Variants in SLC19A1 observed in about 807,000 individuals in gnomAD.
The protein encoded by SLC19A1 is reduced folate transporter.
SLC19A1 carries 37 observed loss-of-function variants against 35.3 expected under a neutral mutation model. The observed-to-expected ratio is 1.05, with a 90% CI of 0.81 to 1.38. The LOEUF is 1.38. Ranked by LOEUF, SLC19A1 falls within the 40% of genes most tolerant of loss-of-function variation. SLC19A1 has a pLI of 0.00. For synonymous variants in SLC19A1, 460 were observed against 398.5 expected, an observed-to-expected ratio of 1.15 and a Z score of -1.84; for missense variants, 831 against 826.9, an observed-to-expected ratio of 1.00 and a Z score of -0.06.
At chr21:45,532,788 T>C (rs1249468638) in intron 2 of SLC19A1, among the ~76,000 whole-genome samples, 1 of 152,182 alleles carries the variant, frequency 6.6e-6, no homozygotes, top group African/African-American at 2.4e-5. Context: ...TTTTAAACAA[T>C]ATGGAAAACA....
chr21:45,510,115 C>T (rs746594158), downstream of SLC19A1: 58 of 1,596,166 alleles, frequency 3.6e-5, no homozygotes, highest in Admixed American at 5.1e-5. Context: ...GCGGGGCATC[C>T]GCGGGGCCGA....
rs533701460 is a variant in SLC19A1 at position 45,537,416 on chromosome 21, C to T, written c.189+355G>A. Among the ~76,000 whole-genome samples, 39 of 151,588 alleles carry T rather than the reference C, an allele frequency of 2.6e-4. No individual in the cohort carries two copies. In the East Asian group the frequency reaches 6.6e-3, roughly 26 times the overall value. ...AAGCTGCTCCCCGCCCACCCATAGG[C>T]GGCCGCCCTGGCACCCAGCACCCAC... On this transcript the variant is annotated intron_variant, in intron 2 of 5. Coordinates refer to ENST00000311124, the MANE Select transcript of SLC19A1 (RefSeq NM_194255.4).
chr21:45,524,119 TCGGAGAC>T, intron 5 of SLC19A1, among the ~76,000 whole-genome samples: 1 of 149,504 alleles, frequency 6.7e-6, no homozygotes, highest in Non-Finnish European at 1.5e-5. Flanking sequence ...CCCCTGGGCC[TCGGAGAC>T]TCACCTGCCC....
chr21:45,522,790 C>A (rs2077475957), intron 5 of SLC19A1, among the ~76,000 whole-genome samples: 1 of 152,248 alleles, frequency 6.6e-6, no homozygotes, highest in South Asian at 2.1e-4. Flanking sequence ...CAAACTCATA[C>A]AAGCGGAGAA....
intron 4 of SLC19A1, 108 bp from the exon 5 acceptor site, chr21:45,526,066 A>T: frequency 8.0e-7 from 1 of 1,247,584 alleles, no homozygotes; most frequent in South Asian, 1.4e-5. Flanking sequence ...CCCGGCAGCC[A>T]CGGGGTCCCA....
Position 45,514,740 on chromosome 21 carries a change from T to A in SLC19A1, c.*918A>T, listed in dbSNP as rs1488788009. On this transcript the variant is annotated 3_prime_UTR_variant, in exon 6 of 6. Coordinates refer to ENST00000311124, the MANE Select transcript of SLC19A1 (RefSeq NM_194255.4). The stretch of plus-strand genomic sequence containing the variant: ...CTCACTTAAGTGTGTTTAATGTATG[T>A]GGGAAGAGTATTCACATCACATCAG... 2.2e-6 allele frequency: 1 copy of A among 457,386 alleles called. No individual in the cohort carries two copies. Among genetic ancestry groups the A allele is most frequent in the Non-Finnish European group, 3.8e-6 (1 of 261,692 alleles). The allele number at this position is 457,386 out of a possible 1,614,324, so 28.3% of individuals were successfully genotyped here. A position where few individuals can be genotyped will look rare whatever the true frequency, so the allele number is the denominator to read the frequency against.
At chr21:45,509,873 C>A (rs949435339), downstream of SLC19A1, among the ~76,000 whole-genome samples, 1 of 152,204 alleles carries the variant, frequency 6.6e-6, no homozygotes, top group African/African-American at 2.4e-5. Context: ...CCACGTGGCC[C>A]GGGGCTGCTC....
In SLC19A1 at chr21:45,556,201, C is replaced by T. The variant is rs567568019; in HGVS notation, c.-50+6541G>A. Reference sequence around the variant, plus strand: ...CTGCAGCCACCCCGGGGATGACCAGCAGAGGTCCTCACGGCCTGCGGCCCG... The same window carrying T: ...CTGCAGCCACCCCGGGGATGACCAGTAGAGGTCCTCACGGCCTGCGGCCCG... On this transcript the variant is annotated intron_variant, in intron 1 of 5. Coordinates refer to the SLC19A1 transcript ENST00000650808. Among the ~76,000 whole-genome samples, 3 of 152,354 alleles carry T rather than the reference C, an allele frequency of 2.0e-5. No homozygotes were observed. In the East Asian group the frequency reaches 5.8e-4, roughly 29 times the overall value.
chr21:45,532,880 A>G (rs2077979546), intron 2 of SLC19A1, among the ~76,000 whole-genome samples: 1 of 152,252 alleles, frequency 6.6e-6, no homozygotes, highest in African/African-American at 2.4e-5. Context: ...AGACACAGAA[A>G]GGAAGGGCAG....
rs142234982 is a variant in SLC19A1 at position 45,515,515 on chromosome 21, C to T, written c.*143G>A. ...GCACGCTGTGGCCACCGCCAGAGTG[C>T]GGCACAGGGCAGGGGGAATCCTAGG... On this transcript the variant is annotated 3_prime_UTR_variant, in exon 6 of 6. Coordinates refer to ENST00000311124, the MANE Select transcript of SLC19A1 (RefSeq NM_194255.4). 5.5e-4 allele frequency: 834 copies of T among 1,515,572 alleles called. 9 individuals are homozygous for T. In the African/African-American group the frequency reaches 7.5e-3, roughly 14 times the overall value. 93.9% of individuals were successfully genotyped at this position (1,515,572 alleles called of 1,614,324 possible).
chr21:45,552,367 C>G (rs1236190682), intron 1 of SLC19A1, among the ~76,000 whole-genome samples: 2 of 152,120 alleles, frequency 1.3e-5, no homozygotes, highest in Admixed American at 6.5e-5. Flanking sequence ...GCCCTCCTGT[C>G]CACTCCAGGG....
chr21:45,507,224 C>CCCTCCTGT, intron 3 of SLC19A1: 1 of 159,276 alleles, frequency 6.3e-6, no homozygotes, highest in Non-Finnish European at 1.1e-5. Context: ...CTGGGAGGGC[C>CCCTCCTGT]GGGTGTTGGG....
chr21:45,521,636 AAGAC>A (rs1347380136), intron 5 of SLC19A1, among the ~76,000 whole-genome samples: 5 of 152,356 alleles, frequency 3.3e-5, no homozygotes, highest in Non-Finnish European at 5.9e-5. Flanking sequence ...CTTCATAACC[AAGAC>A]AGTGTGATAT....
At chr21:45,554,809 T>A (rs2078526059) in intron 1 of SLC19A1, among the ~76,000 whole-genome samples, 1 of 151,914 alleles carries the variant, frequency 6.6e-6, no homozygotes, top group Non-Finnish European at 1.5e-5. Context: ...AATCTTTCTC[T>A]TACGGTTTCG....
intron 3 of SLC19A1, chr21:45,504,312 C>A: frequency 8.4e-7 from 1 of 1,192,252 alleles, no homozygotes; most frequent in Non-Finnish European, 1.2e-6. Flanking sequence ...CAGGCCTGGG[C>A]TCCGGAAGCT....
Position 45,512,734 on chromosome 21 carries a change from G to T in SLC19A1, c.*2924C>A, listed in dbSNP as rs933387278. The T allele has an allele frequency of 1.5e-5, 6 of 413,750 alleles. No individual in the cohort carries two copies. The highest frequency in any genetic ancestry group is 1.2e-4 in the African/African-American group (6 of 49,296). The allele number at this position is 413,750 out of a possible 1,614,324, so 25.6% of individuals were successfully genotyped here. A position where few individuals can be genotyped will look rare whatever the true frequency, so the allele number is the denominator to read the frequency against. On this transcript the variant is annotated 3_prime_UTR_variant, in exon 6 of 6. Transcript: ENST00000311124. Reference sequence around the variant, plus strand: ...GATTTCTCCAGGATTTCCTGCTTTGGGAAGCCGTGCTCGCCCCAGCAGGTG... The same window carrying T: ...GATTTCTCCAGGATTTCCTGCTTTGTGAAGCCGTGCTCGCCCCAGCAGGTG...
intron 5 of SLC19A1, among the ~76,000 whole-genome samples, chr21:45,523,590 A>T (rs1364667861): frequency 2.6e-5 from 4 of 152,204 alleles, no homozygotes; most frequent in Non-Finnish European, 5.9e-5. Flanking sequence ...GCTACAGGGG[A>T]GCACACGCAC....
At position 45,560,192 on chromosome 21, in the gene SLC19A1, C is replaced by T. The variant is rs557603066; in HGVS notation, c.-50+2550G>A. Among the ~76,000 whole-genome samples the T allele has an allele frequency of 3.7e-4, 56 of 152,270 alleles. 1 individual carries two copies. The South Asian group carries it at 5.0e-3, about 14-fold the overall frequency. On this transcript the variant is annotated intron_variant, in intron 1 of 5. Coordinates refer to the SLC19A1 transcript ENST00000650808. ...CCTGAGAGGTGGGGACGCCAGGGCC[C>T]GGCAAAGTCCTCTCCAGGATCCACC...
intron 3 of SLC19A1, chr21:45,506,937 G>C (rs2037243801): frequency 8.3e-6 from 2 of 242,096 alleles, no homozygotes; most frequent in East Asian, 2.1e-4. Flanking sequence ...CATAGCAGAT[G>C]CTGAGCTGGT....
Sources: allele counts gnomAD v4.1 joint callset (sites outside exome capture counted in the v4.1 genomes callset), GRCh38; gene constraint gnomAD v4.1.1; transcripts MANE v1.5; gene names NCBI Gene and HGNC (gene_info 2026-07-23, HGNC 2026-07-21).